ARIH1: variants seen among roughly 807,000 people sequenced by gnomAD.
The protein encoded by ARIH1 is ariadne RBR E3 ubiquitin protein ligase 1, also known as E3 ubiquitin-protein ligase ARIH1.
In ARIH1, 8 loss-of-function variants were observed where a neutral mutation model predicts 85.0. The observed-to-expected ratio is 0.09, with a 90% CI of 0.06 to 0.17. The LOEUF (loss-of-function observed/expected upper bound fraction) is 0.17, where lower values mean the gene tolerates loss of function less well. Among genes scored for constraint, ARIH1 ranks in the 10% least tolerant of loss-of-function variants. The pLI is 1.00. For missense variants in ARIH1, 311 were observed against 718.1 expected (o/e 0.43, Z 6.48); for synonymous variants, 238 against 253.6 (o/e 0.94, Z 0.59).
At position 72,587,983 on chromosome 15, in the gene ARIH1, T is replaced by G. The variant is rs111940048; in HGVS notation, c.*4691T>G. The G allele has an allele frequency of 6.6e-6, 1 of 152,162 alleles. No individual in the cohort carries two copies. The highest frequency in any genetic ancestry group is 2.4e-5 in the African/African-American group (1 of 41,440). The allele number at this position is 152,162 out of a possible 1,614,324, so 9.4% of individuals were successfully genotyped here. ...AGGCTATCATTTAGGGCCACAGATA[T>G]GCTTATTTAGGACTATTTTCAGGGT... is the stretch of plus-strand genomic sequence containing the variant. On this transcript the variant is annotated 3_prime_UTR_variant, in exon 14 of 14. Transcript: ENST00000379887.
chr15:72,476,931 A>G (rs972420159), intron 1 of ARIH1, among the ~76,000 whole-genome samples: 2 of 152,300 alleles, frequency 1.3e-5, no homozygotes, highest in East Asian at 3.9e-4. Flanking sequence ...ATAGATCTGA[A>G]CTAATTTATT....
intron 11 of ARIH1, 192 bp downstream of exon 11, chr15:72,572,357 C>T (rs1177127787): frequency 9.1e-6 from 4 of 439,398 alleles, no homozygotes; most frequent in Non-Finnish European, 1.6e-5. Flanking sequence ...CCTGCCTCAG[C>T]CTCCTGAGTA....
In ARIH1 at chr15:72,570,350, T is replaced by C. The variant is rs1343581036; in HGVS notation, c.1157+43T>C. On this transcript the variant is annotated intron_variant, in intron 10 of 13. Coordinates refer to ENST00000379887, the MANE Select transcript of ARIH1 (RefSeq NM_005744.5). ...AGGGAAGAATGTGTTTACATAAGTA[T>C]GTGCCATGTATTATGAATAACATTT... 3.1e-6 allele frequency: 5 copies of C among 1,610,132 alleles called. No homozygotes were observed. In the South Asian group the frequency reaches 5.5e-5, roughly 18 times the overall value.
rs2064380258 is a variant in ARIH1, at chr15:72,600,955, C to A, written c.*17663C>A. The A allele has an allele frequency of 6.6e-6, 1 of 152,192 alleles. No individual in the cohort carries two copies. 9.4% of individuals were successfully genotyped at this position (152,192 alleles called of 1,614,324 possible). A position where few individuals can be genotyped will look rare whatever the true frequency, so the allele number is the denominator to read the frequency against. ...ACATATTGGGAAACAGCCTCATGAGCTTTCTACAAACATCTTTGTCCTTAA... is the reference window on the plus strand; with the variant it reads ...ACATATTGGGAAACAGCCTCATGAGATTTCTACAAACATCTTTGTCCTTAA... On this transcript the variant is annotated 3_prime_UTR_variant, in exon 14 of 14. Coordinates refer to ENST00000379887, the MANE Select transcript of ARIH1 (RefSeq NM_005744.5).
At chr15:72,541,495 A>C (rs763304890) in intron 2 of ARIH1, among the ~76,000 whole-genome samples, 3 of 152,236 alleles carry the variant, frequency 2.0e-5, no homozygotes, top group Non-Finnish European at 4.4e-5. Flanking sequence ...TTTACTCTTG[A>C]TATAATTGTA....
rs769233764 is a variant in ARIH1, at chr15:72,602,950, C to T, written c.*19658C>T. 1 of 152,134 alleles carries T rather than the reference C, an allele frequency of 6.6e-6. No individual in the cohort carries two copies. The highest frequency in any genetic ancestry group is 1.5e-5 in the Non-Finnish European group (1 of 68,032). 9.4% of individuals were successfully genotyped at this position (152,134 alleles called of 1,614,324 possible). ...GCTCCCCGTCTCCATTTTGCTATGG[C>T]AAACATTTTTTTCCAGAAATATATC... On this transcript the variant is annotated 3_prime_UTR_variant, in exon 14 of 14. Coordinates refer to ENST00000379887, the MANE Select transcript of ARIH1 (RefSeq NM_005744.5).
intron 3 of ARIH1, among the ~76,000 whole-genome samples, chr15:72,546,673 GTTT>G (rs71137303): frequency 2.0e-5 from 3 of 151,610 alleles, no homozygotes; most frequent in African/African-American, 7.3e-5. Context: ...GTGTGTGTGT[GTTT>G]TGTTTGTTTT....
intron 2 of ARIH1, among the ~76,000 whole-genome samples, chr15:72,541,147 C>T (rs944147454): frequency 7.2e-5 from 11 of 152,042 alleles, no homozygotes; most frequent in African/African-American, 2.4e-4. Context: ...TAAAAGGAAG[C>T]GGTGTATCAA....
chr15:72,575,896 C>T (rs564686967), intron 11 of ARIH1, among the ~76,000 whole-genome samples: 33 of 152,218 alleles, frequency 2.2e-4, no homozygotes, highest in Non-Finnish European at 2.1e-4. Flanking sequence ...ATGAGGGTCT[C>T]GCAGTGGCAT....
At position 72,588,505 on chromosome 15, in the gene ARIH1, T is replaced by C. The variant is rs2064327460; in HGVS notation, c.*5213T>C. 1 of 152,228 alleles carries C rather than the reference T, an allele frequency of 6.6e-6. No homozygotes were observed. Among genetic ancestry groups the C allele is most frequent in the Non-Finnish European group, 1.5e-5 (1 of 68,040 alleles). 9.4% of individuals were successfully genotyped at this position (152,228 alleles called of 1,614,324 possible). On this transcript the variant is annotated 3_prime_UTR_variant, in exon 14 of 14. Transcript: ENST00000379887. ...TCTCACCCCTAATTCCAGCCGGTGA[T>C]TCTCACATGCAGACTAGGTTGAGAT...
At chr15:72,560,439 C>G (rs1246372878) in intron 5 of ARIH1, among the ~76,000 whole-genome samples, 18 of 152,198 alleles carry the variant, frequency 1.2e-4, no homozygotes, top group Non-Finnish European at 1.5e-5. Context: ...TCTAGTCTCA[C>G]AACCATGTTT....
intron 1 of ARIH1, chr15:72,496,781 T>A (rs2063881898): frequency 1.0e-6 from 1 of 985,024 alleles, no homozygotes; most frequent in African/African-American, 1.7e-5. Flanking sequence ...TGTCCATCTG[T>A]CTGTTACAGT....
intron 3 of ARIH1, among the ~76,000 whole-genome samples, chr15:72,553,605 T>G (rs1052888034): frequency 2.6e-5 from 4 of 152,148 alleles, no homozygotes; most frequent in African/African-American, 9.7e-5. Context: ...GATATACCTA[T>G]TCTGGACATT....
At chr15:72,547,460 T>C (rs1471385124) in intron 3 of ARIH1, among the ~76,000 whole-genome samples, 1 of 152,168 alleles carries the variant, frequency 6.6e-6, no homozygotes, top group East Asian at 1.9e-4. Flanking sequence ...CTTGAACTCC[T>C]GACCTCAGGT....
At chr15:72,566,726 T>G in intron 8 of ARIH1, 121 bp downstream of exon 8, 3 of 846,968 alleles carry the variant, frequency 3.5e-6, no homozygotes, top group Non-Finnish European at 5.6e-6. Context: ...ATCCTTTTAA[T>G]TTCAGATGAT....
At chr15:72,486,693 A>ATT (rs2063838774) in intron 1 of ARIH1, among the ~76,000 whole-genome samples, 5 of 68,562 alleles carry the variant, frequency 7.3e-5, no homozygotes, top group Admixed American at 2.0e-4. Flanking sequence ...TTTAAAAATG[A>ATT]CTTTTTTTTT....
chr15:72,484,788 T>TACACAC (rs34197826), intron 1 of ARIH1, among the ~76,000 whole-genome samples: 1 of 150,048 alleles, frequency 6.7e-6, no homozygotes, highest in Non-Finnish European at 1.5e-5. Context: ...TACATATATA[T>TACACAC]ACACACACAC....
At chr15:72,583,145 A>G in intron 13 of ARIH1, 63 bp from the exon 14 acceptor site, 1 of 1,311,068 alleles carries the variant, frequency 7.6e-7, no homozygotes. Flanking sequence ...AAATAAGTAA[A>G]TGCCTCTTTT....
At position 72,509,979 on chromosome 15, in the gene ARIH1, G is replaced by T. The variant is rs552352628; in HGVS notation, c.376-8088G>T. Among the ~76,000 whole-genome samples the T allele has an allele frequency of 5.9e-4, 89 of 151,584 alleles. 1 individual carries two copies. Among genetic ancestry groups the T allele is most frequent in the African/African-American group, 2.0e-3 (81 of 41,300 alleles). On this transcript the variant is annotated intron_variant, in intron 1 of 13. Coordinates refer to ENST00000379887, the MANE Select transcript of ARIH1 (RefSeq NM_005744.5). ...AGAGTGCAGTGACTGTTCACAGATG[G>T]GATCCTAGCACACTACATCTTTGAA...
Sources: allele counts gnomAD v4.1 joint callset (sites outside exome capture counted in the v4.1 genomes callset), GRCh38; gene constraint gnomAD v4.1.1; transcripts MANE v1.5; gene names NCBI Gene and HGNC (gene_info 2026-07-23, HGNC 2026-07-21).